SHISA9: variants seen among roughly 807,000 people sequenced by gnomAD.
The protein encoded by SHISA9 is shisa family member 9, also known as protein shisa-9.
A neutral mutation model predicts 38.0 loss-of-function variants in SHISA9; 13 were observed. That is an observed-to-expected ratio of 0.34 (90% CI 0.22 to 0.54). SHISA9 has a LOEUF of 0.54. Among genes scored for constraint, SHISA9 ranks in the 20% least tolerant of loss-of-function variants. The pLI is 0.91. For synonymous variants in SHISA9, 275 were observed against 242.0 expected (o/e 1.14, Z -1.27); for missense variants, 538 against 575.8 (o/e 0.93, Z 0.67).
chr16:13,413,504 C>T, the SHISA9 span, among the ~76,000 whole-genome samples: 2 of 151,966 alleles, frequency 1.3e-5, no homozygotes, highest in African/African-American at 4.8e-5. Flanking sequence ...GCCTGCAATC[C>T]CAACACTTTG....
the SHISA9 span, among the ~76,000 whole-genome samples, chr16:13,508,577 AG>A: frequency 2.0e-5 from 3 of 152,218 alleles, no homozygotes; most frequent in African/African-American, 7.2e-5. Context: ...CAGCATTAAA[AG>A]TTACTTAAAC....
chr16:13,491,256 CGAT>C, the SHISA9 span, among the ~76,000 whole-genome samples: 3 of 152,094 alleles, frequency 2.0e-5, no homozygotes, highest in East Asian at 5.8e-4. Context: ...ATGACGATGA[CGAT>C]GATGATGATG....
chr16:13,482,348 AG>A, the SHISA9 span, among the ~76,000 whole-genome samples: 1 of 152,230 alleles, frequency 6.6e-6, no homozygotes, highest in Admixed American at 6.5e-5. Flanking sequence ...TTGCCCTTGC[AG>A]GCTTAGAGAC....
chr16:13,298,967 C>T, the SHISA9 span, among the ~76,000 whole-genome samples: 1 of 152,176 alleles, frequency 6.6e-6, no homozygotes, highest in African/African-American at 2.4e-5. Context: ...GCCTGGAAGC[C>T]TTTCCCAGAC....
At chr16:13,337,760 C>A in the SHISA9 span, among the ~76,000 whole-genome samples, 1 of 152,224 alleles carries the variant, frequency 6.6e-6, no homozygotes, top group South Asian at 2.1e-4. Context: ...TGGGGGCAGA[C>A]TTCCCCCTGC....
At chr16:13,209,971 C>A (rs548692764) in intron 3 of SHISA9, among the ~76,000 whole-genome samples, 1 of 151,920 alleles carries the variant, frequency 6.6e-6, no homozygotes, top group African/African-American at 2.4e-5. Context: ...TGTGGTGGCA[C>A]ATGCCTGTAG....
chr16:13,313,872 A>G, the SHISA9 span, among the ~76,000 whole-genome samples: 3 of 152,234 alleles, frequency 2.0e-5, no homozygotes, highest in Non-Finnish European at 4.4e-5. Flanking sequence ...TTTCTATAGC[A>G]GAATTGCATT....
chr16:13,222,009 C>T (rs1323865313), intron 4 of SHISA9, among the ~76,000 whole-genome samples: 1 of 152,124 alleles, frequency 6.6e-6, no homozygotes, highest in Non-Finnish European at 1.5e-5. Context: ...CTGGGGAGGC[C>T]TCACAATCAT....
intron 2 of SHISA9, among the ~76,000 whole-genome samples, chr16:13,135,462 T>C (rs13333201): frequency 0.11 from 17,450 of 152,192 alleles, 1,170 homozygotes; most frequent in East Asian, 0.24. Flanking sequence ...GAATGCGGCA[T>C]ATATACAAAG....
the SHISA9 span, among the ~76,000 whole-genome samples, chr16:13,326,497 G>A: frequency 1.3e-5 from 2 of 152,164 alleles, no homozygotes; most frequent in African/African-American, 2.4e-5. Flanking sequence ...GAGGTAGGTG[G>A]ATCACTTGAG....
At chr16:13,322,169 G>C in the SHISA9 span, among the ~76,000 whole-genome samples, 1 of 152,238 alleles carries the variant, frequency 6.6e-6, no homozygotes, top group Non-Finnish European at 1.5e-5. Flanking sequence ...CGAAGGAGCT[G>C]AGTGCCTTAA....
In SHISA9 at chr16:12,970,087, G is replaced by A. The variant is rs564219542; in HGVS notation, c.691+53272G>A. Among the ~76,000 whole-genome samples, 3 of 151,078 alleles carry A rather than the reference G, an allele frequency of 2.0e-5. No individual in the cohort carries two copies. In the South Asian group the frequency reaches 6.3e-4, roughly 32 times the overall value. Reference sequence around the variant, plus strand: ...ACTGTGAATAAATGGGCTTTATTATGTTATCCTTTATTTCCCTTTATGTAT... The same window carrying A: ...ACTGTGAATAAATGGGCTTTATTATATTATCCTTTATTTCCCTTTATGTAT... On this transcript the variant is annotated intron_variant, in intron 2 of 4. Transcript: ENST00000558583.
chr16:13,159,245 A>T (rs2050575272), intron 2 of SHISA9, among the ~76,000 whole-genome samples: 3 of 152,192 alleles, frequency 2.0e-5, no homozygotes, highest in Non-Finnish European at 4.4e-5. Context: ...TAGGCATAAT[A>T]CCTAGCACAT....
the SHISA9 span, among the ~76,000 whole-genome samples, chr16:13,464,771 A>C: frequency 6.6e-6 from 1 of 152,178 alleles, no homozygotes; most frequent in Non-Finnish European, 1.5e-5. Flanking sequence ...TCACATAGTT[A>C]GTAGCCCTTG....
the SHISA9 span, among the ~76,000 whole-genome samples, chr16:13,412,079 C>G: frequency 3.9e-5 from 6 of 152,120 alleles, 1 homozygote; most frequent in African/African-American, 1.2e-4. Context: ...TCACCCTAAA[C>G]ACACACAAGG....
chr16:13,472,261 G>A, the SHISA9 span, among the ~76,000 whole-genome samples: 4 of 151,828 alleles, frequency 2.6e-5, no homozygotes, highest in Non-Finnish European at 5.9e-5. Flanking sequence ...TTTGGCTCTG[G>A]CAACTCTTGT....
At chr16:13,539,358 TA>T in the SHISA9 span, among the ~76,000 whole-genome samples, 4 of 65,346 alleles carry the variant, frequency 6.1e-5, no homozygotes, top group Non-Finnish European at 9.4e-5. Flanking sequence ...TATATATATA[TA>T]AAGACAGGAT....
chr16:13,537,959 T>C, the SHISA9 span, among the ~76,000 whole-genome samples: 1 of 152,220 alleles, frequency 6.6e-6, no homozygotes. Context: ...TTCTACTTTT[T>C]TCATCTTTTT....
chr16:13,136,672 T>C (rs796304155), intron 2 of SHISA9, among the ~76,000 whole-genome samples: 1 of 152,154 alleles, frequency 6.6e-6, no homozygotes, highest in African/African-American at 2.4e-5. Flanking sequence ...AGTTCTGGGA[T>C]TACAGGCGTG....
Sources: gnomAD v4.1 joint callset for allele counts (sites outside exome capture counted in the v4.1 genomes callset) on GRCh38, gnomAD v4.1.1 for gene constraint, MANE v1.5 for transcripts, NCBI Gene and HGNC (gene_info 2026-07-23, HGNC 2026-07-21) for gene names.